The following LRMDA variants were observed in gnomAD, a reference collection of about 807,000 sequenced individuals.
The protein encoded by LRMDA is leucine rich melanocyte differentiation associated.
LRMDA carries 18 observed loss-of-function variants against 29.8 expected under a neutral mutation model. The ratio of observed to expected loss-of-function variants is 0.60; its 90% CI spans 0.42 to 0.90. LRMDA has a LOEUF of 0.90. LRMDA is among the 40% of genes least tolerant of loss of function. LRMDA has a pLI of 0.00. For missense variants in LRMDA, 273 were observed against 273.9 expected, an observed-to-expected ratio of 1.00 and a Z score of 0.02; for synonymous variants, 125 against 109.4, an observed-to-expected ratio of 1.14 and a Z score of -0.89.
At chr10:75,518,694 T>C (rs1185179640) in intron 2 of LRMDA, among the ~76,000 whole-genome samples, 2 of 152,240 alleles carry the variant, frequency 1.3e-5, no homozygotes, top group African/African-American at 4.8e-5. Flanking sequence ...TTTGTGTCTC[T>C]ATCTCCTTCA....
At chr10:76,075,658 G>T (rs1490457440) in intron 5 of LRMDA, among the ~76,000 whole-genome samples, 1 of 152,194 alleles carries the variant, frequency 6.6e-6, no homozygotes, top group East Asian at 1.9e-4. Flanking sequence ...GTAAACCCTT[G>T]GGCAAGTCTA....
intron 5 of LRMDA, among the ~76,000 whole-genome samples, chr10:76,086,515 T>G (rs1007012184): frequency 6.6e-6 from 1 of 152,230 alleles, no homozygotes; most frequent in Admixed American, 6.5e-5. Context: ...CATGCAATTG[T>G]CAGTCAACAC....
At chr10:76,226,057 C>T (rs1851951434) in intron 5 of LRMDA, among the ~76,000 whole-genome samples, 1 of 152,002 alleles carries the variant, frequency 6.6e-6, no homozygotes, top group South Asian at 2.1e-4. Context: ...GACATGAACT[C>T]ATCATTTTTT....
intron 2 of LRMDA, among the ~76,000 whole-genome samples, chr10:75,512,197 A>C (rs1356752463): frequency 6.6e-6 from 1 of 152,118 alleles, no homozygotes; most frequent in Non-Finnish European, 1.5e-5. Context: ...TATGACTTCC[A>C]CTTTCCATCA....
chr10:76,090,789 T>G (rs1849218285), intron 5 of LRMDA, among the ~76,000 whole-genome samples: 1 of 152,136 alleles, frequency 6.6e-6, no homozygotes, highest in African/African-American at 2.4e-5. Flanking sequence ...AAGACAAATA[T>G]GATTCTACTT....
intron 6 of LRMDA, among the ~76,000 whole-genome samples, chr10:76,524,223 TTG>T (rs1420142022): frequency 6.6e-6 from 1 of 152,110 alleles, no homozygotes; most frequent in Non-Finnish European, 1.5e-5. Flanking sequence ...CAGCTTAACT[TTG>T]TGAGCCCCGC....
intron 2 of LRMDA, among the ~76,000 whole-genome samples, chr10:75,570,700 C>T (rs992372551): frequency 5.3e-5 from 8 of 152,246 alleles, no homozygotes; most frequent in South Asian, 4.2e-4. Flanking sequence ...TTAATGTATA[C>T]GCTCTTTTTC....
intron 6 of LRMDA, among the ~76,000 whole-genome samples, chr10:76,540,814 G>T (rs773136406): frequency 6.6e-6 from 1 of 152,180 alleles, no homozygotes; most frequent in Non-Finnish European, 1.5e-5. Flanking sequence ...GTCTGCACTT[G>T]GGGCTCAGAC....
rs78560006 is a variant in LRMDA at position 76,514,268 on chromosome 10, G to T, written c.602-42941G>T. 5.0e-3 allele frequency among the ~76,000 whole-genome samples: 759 copies of T among 152,278 alleles called. 1 individual carries two copies. The highest frequency in any genetic ancestry group is 0.017 in the African/African-American group (715 of 41,562). ...AGCCTTCCAAAGTGTCTACTTGCCT[G>T]CCAGAAGCAGAGCCTGTTAGCCCAC... On this transcript the variant is annotated intron_variant, in intron 6 of 6. Transcript: ENST00000611255.
At position 76,047,249 on chromosome 10, in the gene LRMDA, G is replaced by A. The variant is rs1848454749; in HGVS notation, c.344G>A (p.Cys115Tyr). 3 of 1,613,948 alleles carry A rather than the reference G, an allele frequency of 1.9e-6. No individual in the cohort carries two copies. Among genetic ancestry groups the A allele is most frequent in the African/African-American group, 1.3e-5 (1 of 74,908 alleles). Residue 115 changes from cysteine to tyrosine, a missense_variant, in exon 4 of 7, where the codon TGT becomes TAT. Transcript: ENST00000611255. ...CTCAGTCTGCTGGGCAACGTGGCCTGTCCCAACGAGCTGGTCAGCTTGGAA... is the reference window on the plus strand; with the variant it reads ...CTCAGTCTGCTGGGCAACGTGGCCTATCCCAACGAGCTGGTCAGCTTGGAA... The part of the protein sequence containing the change: ...EYLSLLGNVA[C>Y]PNELVSLEKD...
chr10:75,748,377 A>C (rs1842914312), intron 2 of LRMDA, among the ~76,000 whole-genome samples: 1 of 152,194 alleles, frequency 6.6e-6, no homozygotes, highest in African/African-American at 2.4e-5. Context: ...TACAGGTGTA[A>C]ACCCCCATGC....
At chr10:75,512,653 G>A (rs1389888545) in intron 2 of LRMDA, among the ~76,000 whole-genome samples, 3 of 152,116 alleles carry the variant, frequency 2.0e-5, no homozygotes, top group Non-Finnish European at 4.4e-5. Context: ...GGTTTGGGTC[G>A]GAGTTCCCAG....
chr10:76,277,394 AGGTAGTG>A (rs1317078442), intron 5 of LRMDA, among the ~76,000 whole-genome samples: 4 of 152,206 alleles, frequency 2.6e-5, no homozygotes, highest in Admixed American at 6.5e-5. Context: ...AAGAGATAGG[AGGTAGTG>A]GGCTTACCCT....
chr10:76,241,614 C>T (rs555390542), intron 5 of LRMDA, among the ~76,000 whole-genome samples: 83 of 152,204 alleles, frequency 5.5e-4, no homozygotes, highest in African/African-American at 1.6e-3. Flanking sequence ...CCAGATGCAG[C>T]GGAAGTGGGA....
chr10:76,263,596 C>T (rs1164550136), intron 5 of LRMDA, among the ~76,000 whole-genome samples: 1 of 152,128 alleles, frequency 6.6e-6, no homozygotes, highest in Non-Finnish European at 1.5e-5. Context: ...GGACTGTAAG[C>T]CCAGGCAGGG....
intron 5 of LRMDA, among the ~76,000 whole-genome samples, chr10:76,087,242 A>G (rs887827058): frequency 6.6e-6 from 1 of 152,126 alleles, no homozygotes; most frequent in Admixed American, 6.5e-5. Context: ...CATCCGAGGA[A>G]GCAGTGTAGG....
intron 5 of LRMDA, among the ~76,000 whole-genome samples, chr10:76,205,519 G>A (rs1307731266): frequency 1.3e-5 from 2 of 152,180 alleles, no homozygotes; most frequent in African/African-American, 2.4e-5. Context: ...TTGAGGCTCA[G>A]CTACAGGAAA....
chr10:75,755,718 A>G (rs1388521987), intron 2 of LRMDA, among the ~76,000 whole-genome samples: 1 of 152,246 alleles, frequency 6.6e-6, no homozygotes, highest in Non-Finnish European at 1.5e-5. Flanking sequence ...GGCTGACGCA[A>G]CCTTGGAGTG....
At chr10:75,544,167 G>T (rs1589176323) in intron 2 of LRMDA, among the ~76,000 whole-genome samples, 1 of 152,136 alleles carries the variant, frequency 6.6e-6, no homozygotes, top group Non-Finnish European at 1.5e-5. Flanking sequence ...AGTTTTGATG[G>T]TGAACCTACG....
Sources: allele counts gnomAD v4.1 joint callset (sites outside exome capture counted in the v4.1 genomes callset), GRCh38; gene constraint gnomAD v4.1.1; transcripts MANE v1.5; gene names NCBI Gene and HGNC (gene_info 2026-07-23, HGNC 2026-07-21).